Variants in SOCS5 observed in about 807,000 individuals in gnomAD.
SOCS5 encodes CIS-6.
A neutral mutation model predicts 42.8 loss-of-function variants in SOCS5; 32 were observed. The observed-to-expected ratio is 0.75, with a 90% CI of 0.56 to 1.01. The LOEUF (loss-of-function observed/expected upper bound fraction) is 1.01, where lower values mean the gene tolerates loss of function less well. Ranked by LOEUF, SOCS5 falls within the 50% of genes least tolerant of loss-of-function variation. The probability of loss-of-function intolerance (pLI) is 0.00; values close to 1 mark genes in which losing one functional copy is unlikely to be tolerated. For synonymous variants in SOCS5, 283 were observed against 229.6 expected, an observed-to-expected ratio of 1.23 and a Z score of -2.10; for missense variants, 627 against 653.0, an observed-to-expected ratio of 0.96 and a Z score of 0.43.
intron 1 of SOCS5, among the ~76,000 whole-genome samples, chr2:46,728,983 G>C (rs1246279893): frequency 2.0e-5 from 3 of 152,110 alleles, no homozygotes; most frequent in Non-Finnish European, 4.4e-5. Flanking sequence ...AAAATTTCTG[G>C]CTCTACCTCA....
chr2:46,724,898 C>T (rs1455639602), intron 1 of SOCS5, among the ~76,000 whole-genome samples: 1 of 151,704 alleles, frequency 6.6e-6, no homozygotes, highest in Non-Finnish European at 1.5e-5. Context: ...TGATGGTGTT[C>T]TATCTTCTGG....
At chr2:46,704,114 A>C (rs150418221) in intron 1 of SOCS5, among the ~76,000 whole-genome samples, 53 of 152,330 alleles carry the variant, frequency 3.5e-4, no homozygotes, top group African/African-American at 1.3e-3. Context: ...TACTCTGATG[A>C]GCTTTCATAC....
rs917561528 is a variant in SOCS5, at chr2:46,761,521, A to G, written c.*1380A>G. 3 of 167,048 alleles carry G rather than the reference A, an allele frequency of 1.8e-5. No homozygotes were observed. The highest frequency in any genetic ancestry group is 4.4e-5 in the Non-Finnish European group (3 of 68,120). The allele number at this position is 167,048 out of a possible 1,614,324, so 10.3% of individuals were successfully genotyped here. A position where few individuals can be genotyped will look rare whatever the true frequency, so the allele number is the denominator to read the frequency against. ...GAAAGCTATATTTGTATGCAACACTAACCTTTTGACTGCTAATGTATGTTT... is the reference window on the plus strand; with the variant it reads ...GAAAGCTATATTTGTATGCAACACTGACCTTTTGACTGCTAATGTATGTTT... On this transcript the variant is annotated 3_prime_UTR_variant, in exon 2 of 2. Coordinates refer to ENST00000394861, the MANE Select transcript of SOCS5 (RefSeq NM_144949.3).
chr2:46,725,489 T>C (rs958718439), intron 1 of SOCS5, among the ~76,000 whole-genome samples: 3 of 152,158 alleles, frequency 2.0e-5, no homozygotes, highest in African/African-American at 7.2e-5. Context: ...TTTTTAGTAC[T>C]CTATTTTAAC....
intron 1 of SOCS5, among the ~76,000 whole-genome samples, chr2:46,743,750 T>G (rs980056496): frequency 2.0e-5 from 3 of 152,206 alleles, no homozygotes; most frequent in African/African-American, 7.2e-5. Context: ...GATAATTGAT[T>G]AAGCGTCATA....
chr2:46,723,553 C>T (rs1377936602), intron 1 of SOCS5, among the ~76,000 whole-genome samples: 1 of 152,010 alleles, frequency 6.6e-6, no homozygotes, highest in African/African-American at 2.4e-5. Context: ...CCCTTTCTCC[C>T]TTGAGTCATC....
At chr2:46,717,379 ATTG>A (rs1453480422) in intron 1 of SOCS5, among the ~76,000 whole-genome samples, 1 of 152,042 alleles carries the variant, frequency 6.6e-6, no homozygotes, top group Non-Finnish European at 1.5e-5. Context: ...TGTGAAAACT[ATTG>A]TTTGGTATTT....
At chr2:46,719,639 T>C (rs903284566) in intron 1 of SOCS5, among the ~76,000 whole-genome samples, 2 of 152,232 alleles carry the variant, frequency 1.3e-5, no homozygotes, top group East Asian at 1.9e-4. Flanking sequence ...ATCTTAAGCA[T>C]ATGGACCTGG....
intron 1 of SOCS5, among the ~76,000 whole-genome samples, chr2:46,733,328 C>A (rs762697159): frequency 2.0e-5 from 3 of 152,092 alleles, no homozygotes; most frequent in Non-Finnish European, 4.4e-5. Flanking sequence ...CTCCTGGCCT[C>A]AGGTGATCCA....
intron 1 of SOCS5, among the ~76,000 whole-genome samples, chr2:46,741,521 T>G (rs1322890193): frequency 6.6e-6 from 1 of 152,174 alleles, no homozygotes; most frequent in East Asian, 1.9e-4. Context: ...ATCTAATATT[T>G]TGGAAAGTAC....
In SOCS5 at chr2:46,716,662, G is replaced by A. The variant is rs149464302; in HGVS notation, c.-13+17213G>A. Among the ~76,000 whole-genome samples the A allele has an allele frequency of 5.6e-3, 855 of 151,996 alleles. 9 individuals carry two copies. The highest frequency in any genetic ancestry group is 0.012 in the Admixed American group (185 of 15,272). ...CCAGCTAATATTTTGACTTTTTTGT[G>A]CAGATAGGGCCTCTCTATGTTGCTC... On this transcript the variant is annotated intron_variant, in intron 1 of 1. Transcript: ENST00000394861.
At chr2:46,713,281 G>A (rs1408512530) in intron 1 of SOCS5, among the ~76,000 whole-genome samples, 3 of 152,180 alleles carry the variant, frequency 2.0e-5, no homozygotes, top group African/African-American at 7.2e-5. Context: ...CTTTGAGCCT[G>A]GGAGGTTGAG....
At chr2:46,715,835 A>G (rs1250123383) in intron 1 of SOCS5, among the ~76,000 whole-genome samples, 1 of 152,162 alleles carries the variant, frequency 6.6e-6, no homozygotes, top group Non-Finnish European at 1.5e-5. Context: ...TGTATTCATC[A>G]CATTTGTAAA....
chr2:46,706,919 G>A (rs1056589679), intron 1 of SOCS5, among the ~76,000 whole-genome samples: 3 of 152,146 alleles, frequency 2.0e-5, no homozygotes, highest in Admixed American at 2.0e-4. Flanking sequence ...AAGTACCAAC[G>A]GCAGCATTTG....
At chr2:46,741,276 A>G (rs367682351) in intron 1 of SOCS5, among the ~76,000 whole-genome samples, 44 of 152,250 alleles carry the variant, frequency 2.9e-4, no homozygotes, top group African/African-American at 9.1e-4. Context: ...GTCTCGCTCT[A>G]CCACTCAGGC....
intron 1 of SOCS5, among the ~76,000 whole-genome samples, chr2:46,702,569 T>C (rs41468249): frequency 0.021 from 3,263 of 152,322 alleles, 130 homozygotes; most frequent in African/African-American, 0.075. Flanking sequence ...GTCAGGAATT[T>C]ATAAGGTCTA....
At chr2:46,743,139 C>T (rs377747216) in intron 1 of SOCS5, among the ~76,000 whole-genome samples, 36 of 152,260 alleles carry the variant, frequency 2.4e-4, no homozygotes, top group African/African-American at 8.7e-4. Flanking sequence ...TTCCTCCCTC[C>T]TTCCACTGCA....
At chr2:46,712,336 CTTTTTTTTTTTTTT>C (rs70940636) in intron 1 of SOCS5, among the ~76,000 whole-genome samples, 3 of 64,954 alleles carry the variant, frequency 4.6e-5, no homozygotes, top group African/African-American at 1.3e-4. Flanking sequence ...GGATGTTTAG[CTTTTTTTTTTTTTT>C]TTTTTTTTTT....
intron 1 of SOCS5, among the ~76,000 whole-genome samples, chr2:46,711,411 A>G (rs1572830290): frequency 6.6e-6 from 1 of 152,092 alleles, no homozygotes; most frequent in East Asian, 1.9e-4. Flanking sequence ...CTTATAGGCT[A>G]TTTTGCATAT....
Sources: allele counts gnomAD v4.1 joint callset (sites outside exome capture counted in the v4.1 genomes callset), GRCh38; gene constraint gnomAD v4.1.1; transcripts MANE v1.5; gene names NCBI Gene and HGNC (gene_info 2026-07-23, HGNC 2026-07-21).